ADCY9: variants seen among roughly 807,000 people sequenced by gnomAD.
ADCY9 encodes adenylate cyclase 9, also known as adenylate cyclase type 9.
A neutral mutation model predicts 101.5 loss-of-function variants in ADCY9; 50 were observed. That is an observed-to-expected ratio of 0.49 (90% CI 0.39 to 0.62). ADCY9 has a LOEUF of 0.62. Ranked by LOEUF, ADCY9 falls within the 20% of genes least tolerant of loss-of-function variation. The probability of loss-of-function intolerance (pLI) is 0.00; values close to 1 mark genes in which losing one functional copy is unlikely to be tolerated. For synonymous variants in ADCY9, 905 were observed against 769.3 expected (o/e 1.18, Z -2.92); for missense variants, 1,662 against 1,800.4 (o/e 0.92, Z 1.39).
At chr16:4,110,140 G>A (rs901086840) in intron 2 of ADCY9, among the ~76,000 whole-genome samples, 1 of 152,202 alleles carries the variant, frequency 6.6e-6, no homozygotes, top group Non-Finnish European at 1.5e-5. Context: ...GTGAGCTCAC[G>A]GAGGTTGGGA....
At chr16:4,080,384 C>T (rs2056894114) in intron 2 of ADCY9, among the ~76,000 whole-genome samples, 2 of 152,136 alleles carry the variant, frequency 1.3e-5, no homozygotes, top group South Asian at 4.1e-4. Flanking sequence ...GCTGAGACTA[C>T]AGGCGTGCGC....
intron 2 of ADCY9, among the ~76,000 whole-genome samples, chr16:4,031,017 A>AG (rs2056551728): frequency 2.0e-5 from 3 of 151,608 alleles, no homozygotes; most frequent in Middle Eastern, 3.2e-3. Context: ...ATAGCAGTAA[A>AG]GAAAAAAAAA....
intron 2 of ADCY9, among the ~76,000 whole-genome samples, chr16:4,088,953 C>T (rs1054878435): frequency 1.3e-5 from 2 of 151,990 alleles, no homozygotes; most frequent in East Asian, 3.9e-4. Context: ...AAACCCCATC[C>T]ATACCCATCG....
At chr16:4,051,961 C>T (rs903260754) in intron 2 of ADCY9, among the ~76,000 whole-genome samples, 7 of 152,140 alleles carry the variant, frequency 4.6e-5, no homozygotes, top group African/African-American at 1.7e-4. Flanking sequence ...TTACAAAATA[C>T]CAACAAATTA....
intron 2 of ADCY9, among the ~76,000 whole-genome samples, chr16:4,046,150 C>T (rs1314512519): frequency 6.6e-6 from 1 of 152,144 alleles, no homozygotes; most frequent in Non-Finnish European, 1.5e-5. Flanking sequence ...GGCACCAGGT[C>T]TGAATTTGTG....
At position 3,979,093 on chromosome 16, in the gene ADCY9, A is replaced by G. The variant is rs756086661; in HGVS notation, c.2679+23T>C. 3.1e-6 allele frequency: 5 copies of G among 1,613,742 alleles called. No homozygotes were observed. In the East Asian group the frequency reaches 6.7e-5, roughly 22 times the overall value. Reference sequence around the variant, plus strand: ...AGGGAGTCCAGGAGAGCGTGGAAATAAAACGGCTGAGCCTTTACTTACGTG... The same window carrying G: ...AGGGAGTCCAGGAGAGCGTGGAAATGAAACGGCTGAGCCTTTACTTACGTG... On this transcript the variant is annotated intron_variant, in intron 8 of 10. Transcript: ENST00000294016.
At chr16:4,085,418 G>A (rs557606606) in intron 2 of ADCY9, among the ~76,000 whole-genome samples, 38 of 152,170 alleles carry the variant, frequency 2.5e-4, no homozygotes, top group Non-Finnish European at 4.7e-4. Context: ...CACCAAGTGT[G>A]TGCACCCAGC....
intron 3 of ADCY9, among the ~76,000 whole-genome samples, chr16:4,004,254 A>C (rs886688602): frequency 6.7e-6 from 1 of 149,202 alleles, no homozygotes; most frequent in African/African-American, 2.4e-5. Flanking sequence ...ATCTCTTTAA[A>C]AAAAAAAAAA....
Position 4,008,930 on chromosome 16 carries a change from C to T in ADCY9, c.1694-1372G>A, listed in dbSNP as rs535623852. 5.9e-5 allele frequency among the ~76,000 whole-genome samples: 9 copies of T among 152,228 alleles called. No individual in the cohort carries two copies. The South Asian group carries it at 1.5e-3, about 25-fold the overall frequency. On this transcript the variant is annotated intron_variant, in intron 2 of 10. Coordinates refer to ENST00000294016, the MANE Select transcript of ADCY9 (RefSeq NM_001116.4). ...ATGGAAAGATGCCATCGAGAGGCGA[C>T]GTGTCTACAACACTGATCGACTCTG...
At chr16:4,001,740 T>A (rs1269391980) in intron 3 of ADCY9, among the ~76,000 whole-genome samples, 4 of 1,558 alleles carry the variant, frequency 2.6e-3, no homozygotes, top group Admixed American at 0.024. Context: ...GTAGAGATGG[T>A]TTTTTTTTTT....
chr16:3,957,249 A>G (rs764819517), intron 5 of ADCY9, among the ~76,000 whole-genome samples: 1 of 152,214 alleles, frequency 6.6e-6, no homozygotes, highest in Non-Finnish European at 1.5e-5. Context: ...AACCTGATAA[A>G]CAGAAAAGCC....
rs766342969 is a variant in ADCY9 at position 3,983,277 on chromosome 16, C to T, written c.2474G>A (p.Ser825Asn). Residue 825 changes from serine to asparagine, a missense_variant, in exon 7 of 11, where the codon AGT (serine) becomes AAT (asparagine). By Grantham distance (46) the Ser-to-Asn change is conservative. Transcript: ENST00000294016. ...PPPPAALAVFSAALLLEVLSL... is the reference protein window; with the variant it reads ...PPPPAALAVFNAALLLEVLSL... The stretch of plus-strand genomic sequence containing the variant: ...CAGCACCTCCAGCAGCAGGGCTGCA[C>T]TGAAGACCGCCAGGGCGGCGGGCGG... 2.6e-6 allele frequency: 4 copies of T among 1,555,386 alleles called. No individual in the cohort carries two copies. Among genetic ancestry groups the T allele is most frequent in the Non-Finnish European group, 3.5e-6 (4 of 1,149,472 alleles).
chr16:3,974,732 A>G, intron 9 of ADCY9, 22 bp from the exon 10 acceptor site: 3 of 1,604,130 alleles, frequency 1.9e-6, no homozygotes, highest in Non-Finnish European at 2.6e-6. Context: ...ATGCAGAAAA[A>G]TATTATCATA....
chr16:4,074,788 GA>G (rs1246521971), intron 2 of ADCY9, among the ~76,000 whole-genome samples: 6 of 151,252 alleles, frequency 4.0e-5, no homozygotes, highest in Non-Finnish European at 8.8e-5. Flanking sequence ...TGATCGAGGG[GA>G]AAAAAAAGCA....
At chr16:3,998,997 C>T (rs916127461) in intron 3 of ADCY9, among the ~76,000 whole-genome samples, 5 of 151,878 alleles carry the variant, frequency 3.3e-5, no homozygotes, top group Non-Finnish European at 7.4e-5. Flanking sequence ...TAATTTTAAT[C>T]TGGATTAAGA....
At chr16:3,987,430 C>T (rs1262965425) in intron 6 of ADCY9, among the ~76,000 whole-genome samples, 4 of 152,214 alleles carry the variant, frequency 2.6e-5, no homozygotes, top group Non-Finnish European at 4.4e-5. Flanking sequence ...CCAGACCACT[C>T]GTGTCCGACC....
chr16:3,996,622 C>T (rs1319792388), intron 3 of ADCY9, among the ~76,000 whole-genome samples: 2 of 152,170 alleles, frequency 1.3e-5, no homozygotes, highest in Non-Finnish European at 1.5e-5. Flanking sequence ...GCACTTGGCT[C>T]AGCCAAAGCC....
intron 2 of ADCY9, among the ~76,000 whole-genome samples, chr16:4,027,452 T>A (rs1159146940): frequency 6.6e-6 from 1 of 152,156 alleles, no homozygotes; most frequent in East Asian, 1.9e-4. Context: ...GAAGGAAAGG[T>A]TTAACTGGCT....
chr16:4,069,733 C>G, intron 2 of ADCY9, among the ~76,000 whole-genome samples: 1 of 152,132 alleles, frequency 6.6e-6, no homozygotes, highest in East Asian at 1.9e-4. Flanking sequence ...TACTTCTGTT[C>G]TTTAGAAGAA....
Sources: allele counts gnomAD v4.1 joint callset (sites outside exome capture counted in the v4.1 genomes callset), GRCh38; gene constraint gnomAD v4.1.1; transcripts MANE v1.5; gene names NCBI Gene and HGNC (gene_info 2026-07-23, HGNC 2026-07-21).